Variants in DNER observed in about 807,000 individuals in gnomAD.
The protein encoded by DNER is delta/notch like EGF repeat containing.
Under a neutral mutation model 78.2 loss-of-function variants are expected in DNER, and 33 were observed. The observed-to-expected ratio is 0.42, with a 90% CI of 0.32 to 0.56. The LOEUF (loss-of-function observed/expected upper bound fraction) is 0.56. Among genes scored for constraint, DNER ranks in the 20% least tolerant of loss-of-function variants. The pLI, the probability that DNER is intolerant of heterozygous loss-of-function variation, is 0.11. For missense variants in DNER, 918 were observed against 975.3 expected, an observed-to-expected ratio of 0.94 and a Z score of 0.78; for synonymous variants, 417 against 384.8, an observed-to-expected ratio of 1.08 and a Z score of -0.98.
intron 11 of DNER, among the ~76,000 whole-genome samples, chr2:229,368,177 G>A (rs918127805): frequency 3.3e-5 from 5 of 152,090 alleles, no homozygotes; most frequent in African/African-American, 1.2e-4. Context: ...AGCCTGAGCA[G>A]TATGGCAAAA....
chr2:229,474,571 G>C (rs958302858), intron 7 of DNER, among the ~76,000 whole-genome samples: 1 of 152,176 alleles, frequency 6.6e-6, no homozygotes, highest in Non-Finnish European at 1.5e-5. Flanking sequence ...TCAGCATCCA[G>C]GATTTAAATT....
At chr2:229,425,506 A>C (rs1019423689) in intron 8 of DNER, among the ~76,000 whole-genome samples, 29 of 152,118 alleles carry the variant, frequency 1.9e-4, no homozygotes, top group African/African-American at 6.3e-4. Flanking sequence ...TGCTGCATAA[A>C]GGTCTTAAGA....
intron 9 of DNER, among the ~76,000 whole-genome samples, chr2:229,407,950 G>A (rs899003520): frequency 6.6e-6 from 1 of 152,146 alleles, no homozygotes; most frequent in Non-Finnish European, 1.5e-5. Flanking sequence ...AAGATCACAA[G>A]CCTGGTAAGA....
chr2:229,547,227 T>C (rs1236274457), intron 4 of DNER, 135 bp from the exon 5 acceptor site: 193 of 1,245,846 alleles, frequency 1.5e-4, no homozygotes, highest in Non-Finnish European at 1.9e-5. Flanking sequence ...CAAAACAAAA[T>C]GCAGTGAGGC....
intron 1 of DNER, among the ~76,000 whole-genome samples, chr2:229,605,416 T>C (rs1697915231): frequency 6.6e-6 from 1 of 152,218 alleles, no homozygotes; most frequent in Non-Finnish European, 1.5e-5. Context: ...TACTGTAGCT[T>C]TGAAGACACT....
At chr2:229,474,619 C>T (rs139722999) in intron 7 of DNER, among the ~76,000 whole-genome samples, 28 of 152,244 alleles carry the variant, frequency 1.8e-4, no homozygotes, top group African/African-American at 6.5e-4. Flanking sequence ...TTAGATGAGA[C>T]CAGGCTTCTT....
chr2:229,681,002 C>A (rs1699379519), intron 1 of DNER, among the ~76,000 whole-genome samples: 1 of 152,166 alleles, frequency 6.6e-6, no homozygotes, highest in South Asian at 2.1e-4. Context: ...GAATTGCAAA[C>A]AACGTAAAAC....
At chr2:229,501,334 A>AT (rs1379620814) in intron 6 of DNER, among the ~76,000 whole-genome samples, 2 of 144,414 alleles carry the variant, frequency 1.4e-5, no homozygotes, top group South Asian at 2.2e-4. Flanking sequence ...ATGTTAGGTT[A>AT]AAAAAAAAAA....
intron 8 of DNER, among the ~76,000 whole-genome samples, chr2:229,433,357 T>C (rs933507156): frequency 1.3e-5 from 2 of 152,108 alleles, no homozygotes; most frequent in South Asian, 2.1e-4. Flanking sequence ...GTGAAACATA[T>C]AGTCAAATGA....
intron 1 of DNER, among the ~76,000 whole-genome samples, chr2:229,638,237 C>T (rs1698559500): frequency 6.6e-6 from 1 of 152,022 alleles, no homozygotes; most frequent in Non-Finnish European, 1.5e-5. Context: ...TATGTGGAAC[C>T]TCATAAAGAA....
chr2:229,486,532 T>TGA (rs1221021568), intron 6 of DNER, among the ~76,000 whole-genome samples: 3 of 152,156 alleles, frequency 2.0e-5, no homozygotes, highest in African/African-American at 7.2e-5. Context: ...AACAATCAGC[T>TGA]GAGAGAGCTC....
chr2:229,380,117 C>T (rs137879509), intron 11 of DNER, among the ~76,000 whole-genome samples: 70 of 152,242 alleles, frequency 4.6e-4, no homozygotes, highest in African/African-American at 1.6e-3. Context: ...ATCAAATTGA[C>T]GTTGGAGAAT....
intron 1 of DNER, among the ~76,000 whole-genome samples, chr2:229,619,999 T>C (rs1698227228): frequency 1.3e-5 from 2 of 152,344 alleles, no homozygotes; most frequent in South Asian, 4.1e-4. Flanking sequence ...ATTCTTTTAT[T>C]ATTATGAAGC....
chr2:229,693,707 A>G (rs1432906332), intron 1 of DNER, among the ~76,000 whole-genome samples: 1 of 152,162 alleles, frequency 6.6e-6, no homozygotes, highest in East Asian at 1.9e-4. Flanking sequence ...TTTGAACCTG[A>G]GAGAGATGAT....
At chr2:229,401,499 AG>A (rs2106341646) in intron 10 of DNER, among the ~76,000 whole-genome samples, 1 of 152,272 alleles carries the variant, frequency 6.6e-6, no homozygotes, top group South Asian at 2.1e-4. Flanking sequence ...AGCAATAAAA[AG>A]GGAGAAATTA....
chr2:229,451,004 G>T (rs985660633), intron 7 of DNER, among the ~76,000 whole-genome samples: 16 of 152,192 alleles, frequency 1.1e-4, no homozygotes, highest in Non-Finnish European at 2.2e-4. Flanking sequence ...ACCATGGCAA[G>T]GCCCCCTTTC....
intron 7 of DNER, among the ~76,000 whole-genome samples, chr2:229,458,795 T>C (rs543853664): frequency 6.6e-6 from 1 of 151,348 alleles, no homozygotes; most frequent in Non-Finnish European, 1.5e-5. Context: ...GTAAAAGAAA[T>C]AAAAAACATA....
chr2:229,373,255 A>G (rs75368111), intron 11 of DNER, among the ~76,000 whole-genome samples: 285 of 152,282 alleles, frequency 1.9e-3, no homozygotes, highest in Non-Finnish European at 3.6e-3. Flanking sequence ...ACAAACAAAA[A>G]CCAAATAACC....
chr2:229,441,377 G>A (rs1694231224), intron 8 of DNER, among the ~76,000 whole-genome samples: 1 of 152,298 alleles, frequency 6.6e-6, no homozygotes, highest in Non-Finnish European at 1.5e-5. Flanking sequence ...GGACACACCT[G>A]TAGTTGAACA....
Sources: allele counts gnomAD v4.1 joint callset (sites outside exome capture counted in the v4.1 genomes callset), GRCh38; gene constraint gnomAD v4.1.1; transcripts MANE v1.5; gene names NCBI Gene and HGNC (gene_info 2026-07-23, HGNC 2026-07-21).